ZBTB38: variants seen among roughly 807,000 people sequenced by gnomAD.
The protein encoded by ZBTB38 is zinc finger and BTB domain containing 38.
Under a neutral mutation model 76.8 loss-of-function variants are expected in ZBTB38, and 20 were observed. The observed-to-expected ratio is 0.26, with a 90% CI of 0.18 to 0.38. The LOEUF is 0.38. Among genes scored for constraint, ZBTB38 ranks in the 10% least tolerant of loss-of-function variants. The pLI, the probability that ZBTB38 is intolerant of heterozygous loss-of-function variation, is 1.00. For synonymous variants in ZBTB38, 504 were observed against 544.2 expected (o/e 0.93, Z 1.03); for missense variants, 1,082 against 1,482.3 (o/e 0.73, Z 4.43).
chr3:141,366,300 C>A, upstream of ZBTB38: 1 of 152,130 alleles, frequency 6.6e-6, no homozygotes, highest in Non-Finnish European at 1.5e-5. Flanking sequence ...GAAATAAATA[C>A]CTGTGTATAT....
chr3:141,434,165 A>G (rs1322839476), intron 5 of ZBTB38: 1 of 984,882 alleles, frequency 1.0e-6, no homozygotes, highest in Non-Finnish European at 1.2e-6. Context: ...ATGATGGGAA[A>G]CCAAAAACTA....
chr3:141,388,883 T>C (rs1261972176), intron 4 of ZBTB38: 3 of 152,240 alleles, frequency 2.0e-5, no homozygotes, highest in Non-Finnish European at 4.4e-5. Flanking sequence ...TAAGGTTTTC[T>C]TTGCAGTATG....
At chr3:141,369,085 C>T (rs1451346572) in intron 1 of ZBTB38, among the ~76,000 whole-genome samples, 1 of 151,592 alleles carries the variant, frequency 6.6e-6, no homozygotes, top group Admixed American at 6.6e-5. Context: ...CTTGTTTTGC[C>T]TCCTCTTCCT....
At chr3:141,402,527 G>C (rs1952506134) in intron 4 of ZBTB38, 1 of 150,274 alleles carries the variant, frequency 6.7e-6, no homozygotes, top group African/African-American at 2.4e-5. Context: ...CGGCGCCCGT[G>C]GCGCCGCCAG....
chr3:141,432,033 G>A lies in ZBTB38; in HGVS notation c.1-10356G>A, dbSNP rs141416772. 1.9e-4 allele frequency: 179 copies of A among 937,566 alleles called. No individual in the cohort carries two copies. The African/African-American group carries it at 2.9e-3, about 15-fold the overall frequency. 58.1% of individuals were successfully genotyped at this position (937,566 alleles called of 1,614,324 possible). A position where few individuals can be genotyped will look rare whatever the true frequency, so the allele number is the denominator to read the frequency against. On this transcript the variant is annotated intron_variant, in intron 5 of 5. Transcript: ENST00000321464. ...GTGTGTTTCTAACACCCCGTCACGT[G>A]AGGAGGTCTGACGTAGTCACCCAAC...
Position 141,355,092 on chromosome 3 carries a change from G to C in ZBTB38, c.-738-13529G>C, listed in dbSNP as rs545776750. Among the ~76,000 whole-genome samples, 20 of 152,156 alleles carry C rather than the reference G, an allele frequency of 1.3e-4. No individual in the cohort carries two copies. The East Asian group carries it at 3.3e-3, about 25-fold the overall frequency. On this transcript the variant is annotated intron_variant, in intron 1 of 7. Coordinates refer to the ZBTB38 transcript ENST00000509842. Reference sequence around the variant, plus strand: ...TCTCTTAGAATTTCTAAGAGGTAAAGATTACAATGAGAGGAAGGAGAGTTG... The same window carrying C: ...TCTCTTAGAATTTCTAAGAGGTAAACATTACAATGAGAGGAAGGAGAGTTG...
intron 5 of ZBTB38, among the ~76,000 whole-genome samples, chr3:141,407,375 T>C (rs1229337178): frequency 6.6e-6 from 1 of 152,206 alleles, no homozygotes; most frequent in Non-Finnish European, 1.5e-5. Flanking sequence ...CATGCATAAC[T>C]CATATAGGAT....
chr3:141,404,252 T>C (rs1953478135), intron 5 of ZBTB38, among the ~76,000 whole-genome samples: 1 of 152,232 alleles, frequency 6.6e-6, no homozygotes, highest in African/African-American at 2.4e-5. Flanking sequence ...TGGTTTCTTG[T>C]TCCAGTTCTG....
At chr3:141,388,715 C>T (rs1947892646) in intron 4 of ZBTB38, 1 of 152,130 alleles carries the variant, frequency 6.6e-6, no homozygotes, top group Admixed American at 6.6e-5. Flanking sequence ...GAAAAATTTA[C>T]AGTTCTTTTT....
Position 141,434,014 on chromosome 3 carries a change from T to C in ZBTB38, c.1-8375T>C, listed in dbSNP as rs547157920. Reference sequence around the variant, plus strand: ...CCGCTCTCTAGGGCCAGTTCCCCTCTGCTCACTCTCAACATCACCAACAAC... The same window carrying C: ...CCGCTCTCTAGGGCCAGTTCCCCTCCGCTCACTCTCAACATCACCAACAAC... On this transcript the variant is annotated intron_variant, in intron 5 of 5. Coordinates refer to ENST00000321464, the MANE Select transcript of ZBTB38 (RefSeq NM_001376113.1). The C allele has an allele frequency of 2.1e-3, 369 of 178,290 alleles. 3 individuals are homozygous for C. Among genetic ancestry groups the C allele is most frequent in the African/African-American group, 8.4e-3 (351 of 42,032 alleles). 11.0% of individuals were successfully genotyped at this position (178,290 alleles called of 1,614,324 possible).
intron 4 of ZBTB38, among the ~76,000 whole-genome samples, chr3:141,390,879 GCA>G (rs1395226741): frequency 1.3e-5 from 2 of 152,222 alleles, no homozygotes; most frequent in Non-Finnish European, 2.9e-5. Context: ...AGTGGGCCAG[GCA>G]CAGTGGCTCA....
chr3:141,382,548 A>G (rs1236861435), intron 3 of ZBTB38, among the ~76,000 whole-genome samples: 3 of 152,244 alleles, frequency 2.0e-5, no homozygotes, highest in African/African-American at 7.2e-5. Context: ...ATTTATTAAA[A>G]TAAACATTCC....
At chr3:141,377,631 G>A (rs575053523) in intron 2 of ZBTB38, among the ~76,000 whole-genome samples, 1 of 152,282 alleles carries the variant, frequency 6.6e-6, no homozygotes, top group Non-Finnish European at 1.5e-5. Context: ...GAAAACTTAT[G>A]TTCACGCAAT....
chr3:141,431,431 G>T (rs2077587011), intron 5 of ZBTB38, among the ~76,000 whole-genome samples: 1 of 150,622 alleles, frequency 6.6e-6, no homozygotes, highest in South Asian at 2.1e-4. Flanking sequence ...AGGCTTCAGA[G>T]AGATTCTCTA....
chr3:141,409,859 T>C (rs1956055539), intron 5 of ZBTB38, among the ~76,000 whole-genome samples: 3 of 152,132 alleles, frequency 2.0e-5, no homozygotes. Context: ...GCTAAGTAAA[T>C]GTTTGTTGAT....
chr3:141,367,218 G>A (rs1422187747), upstream of ZBTB38: 2 of 152,186 alleles, frequency 1.3e-5, no homozygotes, highest in East Asian at 1.9e-4. Context: ...ACATCCATGA[G>A]GCCAGAAGGC....
intron 4 of ZBTB38, chr3:141,387,864 C>T (rs377628762): frequency 7.2e-5 from 11 of 152,260 alleles, no homozygotes; most frequent in African/African-American, 2.6e-4. Flanking sequence ...GTCATGCTAG[C>T]ACTGCATTAA....
At chr3:141,396,650 A>C (rs1424220956) in intron 4 of ZBTB38, 1 of 158,420 alleles carries the variant, frequency 6.3e-6, no homozygotes, top group Non-Finnish European at 1.4e-5. Flanking sequence ...AGCCTTATGA[A>C]ATATATTTTT....
intron 1 of ZBTB38, among the ~76,000 whole-genome samples, chr3:141,359,108 G>A (rs1428886906): frequency 6.6e-6 from 1 of 152,234 alleles, no homozygotes; most frequent in Non-Finnish European, 1.5e-5. Context: ...AGGAAATCTG[G>A]AAGTAGGTGG....
Sources: gnomAD v4.1 joint callset for allele counts (sites outside exome capture counted in the v4.1 genomes callset) on GRCh38, gnomAD v4.1.1 for gene constraint, MANE v1.5 for transcripts, NCBI Gene and HGNC (gene_info 2026-07-23, HGNC 2026-07-21) for gene names.